UNC5D: variants seen among roughly 807,000 people sequenced by gnomAD.
UNC5D encodes the protein netrin receptor UNC5D.
A neutral mutation model predicts 105.4 loss-of-function variants in UNC5D; 39 were observed. The observed-to-expected ratio is 0.37, with a 90% CI of 0.29 to 0.48. The LOEUF (loss-of-function observed/expected upper bound fraction) is 0.48. Among genes scored for constraint, UNC5D ranks in the 20% least tolerant of loss-of-function variants. The pLI, the probability that UNC5D is intolerant of heterozygous loss-of-function variation, is 0.98. For synonymous variants in UNC5D, 452 were observed against 450.4 expected, an observed-to-expected ratio of 1.00 and a Z score of -0.04; for missense variants, 991 against 1,202.4, an observed-to-expected ratio of 0.82 and a Z score of 2.60.
intron 1 of UNC5D, among the ~76,000 whole-genome samples, chr8:35,406,345 G>T (rs1437288317): frequency 6.6e-6 from 1 of 152,132 alleles, no homozygotes; most frequent in Non-Finnish European, 1.5e-5. Context: ...ATGTTACTTT[G>T]CAAGGAGCCT....
At chr8:35,433,248 T>G (rs955677417) in intron 1 of UNC5D, among the ~76,000 whole-genome samples, 2 of 152,190 alleles carry the variant, frequency 1.3e-5, no homozygotes, top group East Asian at 3.9e-4. Context: ...AGGAGATAGA[T>G]CTACCTGGCA....
intron 1 of UNC5D, among the ~76,000 whole-genome samples, chr8:35,458,334 C>A (rs576650102): frequency 1.5e-3 from 229 of 152,180 alleles, no homozygotes; most frequent in African/African-American, 4.9e-3. Flanking sequence ...TTAGGACAGG[C>A]TCTACAGAGG....
chr8:35,684,495 A>G, intron 5 of UNC5D, 87 bp from the exon 6 acceptor site: 1 of 1,494,384 alleles, frequency 6.7e-7, no homozygotes, highest in South Asian at 1.4e-5. Context: ...CCTGACTCAC[A>G]GCACCTGGCA....
intron 11 of UNC5D, among the ~76,000 whole-genome samples, chr8:35,739,404 A>G (rs540682817): frequency 6.6e-6 from 1 of 152,268 alleles, no homozygotes; most frequent in South Asian, 2.1e-4. Flanking sequence ...GGAAAGAAGC[A>G]TTTCTCCTTG....
chr8:35,386,805 C>T (rs1327322058), intron 1 of UNC5D, among the ~76,000 whole-genome samples: 1 of 152,182 alleles, frequency 6.6e-6, no homozygotes, highest in Non-Finnish European at 1.5e-5. Context: ...ACAATTTGAG[C>T]TTACCTTTCC....
rs1803008880 is a variant in UNC5D at position 35,790,867 on chromosome 8, T to G, written c.*304T>G. ...GAAGTAGCTGTGGGAAAAGATGAGC[T>G]ATGATAATGCTGGGAAGGCAGAGAT... is the stretch of plus-strand genomic sequence containing the variant. On this transcript the variant is annotated 3_prime_UTR_variant, in exon 17 of 17. Transcript: ENST00000404895. 1 of 410,598 alleles carries G rather than the reference T, an allele frequency of 2.4e-6. No individual in the cohort carries two copies. The highest frequency in any genetic ancestry group is 2.0e-5 in the African/African-American group (1 of 50,180). 25.4% of individuals were successfully genotyped at this position (410,598 alleles called of 1,614,324 possible).
chr8:35,544,575 A>G (rs575961595), intron 1 of UNC5D: 2 of 1,450,676 alleles, frequency 1.4e-6, no homozygotes, highest in Admixed American at 4.4e-5. Flanking sequence ...AGTACCAACC[A>G]CACCTATTCT....
intron 14 of UNC5D, among the ~76,000 whole-genome samples, chr8:35,760,004 T>C (rs1801447062): frequency 1.3e-5 from 2 of 151,952 alleles, no homozygotes; most frequent in African/African-American, 2.4e-5. Flanking sequence ...AAATTACCAA[T>C]TGAAAAGCAA....
In UNC5D at chr8:35,748,623, G is replaced by A. The variant is rs142826516; in HGVS notation, c.1863G>A (p.Pro621=). ...IVTTPFALTI[P]HCADVSSEHW... is the part of the protein sequence containing the mutation. ...CCACTCCCTTTGCATTGACCATCCC[G>A]CACTGTGCAGATGTCAGTTCTGAGC... is the stretch of plus-strand genomic sequence containing the variant. The change falls in exon 12 of 17, where the codon CCG becomes CCA. Residue 621 remains proline (P), a synonymous_variant. Transcript: ENST00000404895. 4.0e-4 allele frequency: 646 copies of A among 1,613,982 alleles called. 1 individual carries two copies. In the African/African-American group the frequency reaches 7.4e-3, roughly 19 times the overall value.
At chr8:35,271,691 GTATACAT>G (rs1563268095) in intron 1 of UNC5D, among the ~76,000 whole-genome samples, 14 of 52,606 alleles carry the variant, frequency 2.7e-4, no homozygotes, top group Admixed American at 2.1e-3. Flanking sequence ...ATGTATACAT[GTATACAT>G]GTATACATAT....
chr8:35,549,862 C>T (rs1162336883), intron 2 of UNC5D, among the ~76,000 whole-genome samples: 1 of 151,922 alleles, frequency 6.6e-6, no homozygotes, highest in Non-Finnish European at 1.5e-5. Context: ...GCATCAAACC[C>T]CTTGTTAAGC....
chr8:35,285,086 A>G (rs1037121087), intron 1 of UNC5D, among the ~76,000 whole-genome samples: 10 of 152,156 alleles, frequency 6.6e-5, no homozygotes, highest in Non-Finnish European at 1.5e-5. Flanking sequence ...TGTTTTGGTG[A>G]CTTTTTGAGT....
intron 16 of UNC5D, among the ~76,000 whole-genome samples, chr8:35,776,473 G>A (rs191057309): frequency 1.4e-4 from 22 of 152,248 alleles, no homozygotes; most frequent in Admixed American, 1.4e-3. Context: ...GACCTTGCAC[G>A]GTAGGGAAAA....
intron 4 of UNC5D, among the ~76,000 whole-genome samples, chr8:35,643,525 A>G (rs1459197865): frequency 6.6e-6 from 1 of 151,890 alleles, no homozygotes; most frequent in African/African-American, 2.4e-5. Context: ...CCATATTAGT[A>G]TTTTTAGTAG....
chr8:35,451,480 C>T (rs543750419), intron 1 of UNC5D, among the ~76,000 whole-genome samples: 37 of 152,182 alleles, frequency 2.4e-4, no homozygotes, highest in African/African-American at 8.2e-4. Flanking sequence ...AAGTGGTGGG[C>T]ATTGTTATCC....
At chr8:35,520,900 C>T (rs1813418001) in intron 1 of UNC5D, among the ~76,000 whole-genome samples, 1 of 152,080 alleles carries the variant, frequency 6.6e-6, no homozygotes, top group Non-Finnish European at 1.5e-5. Flanking sequence ...TTAATAAATG[C>T]TTATTACTAA....
rs1203558637 is a variant in UNC5D at position 35,413,280 on chromosome 8, TG to T, written c.104-136011del. Among the ~76,000 whole-genome samples the T allele has an allele frequency of 5.2e-4, 11 of 21,308 alleles. No individual in the cohort carries two copies. In the East Asian group the frequency reaches 0.014, roughly 26 times the overall value. 14.0% of individuals were successfully genotyped at this position (21,308 alleles called of 152,430 possible). Reference sequence around the variant, plus strand: ...GTCTGTGTGTGTGTGTGTGTGTGTGTGTGTGTGTGTGTTGTGTGTGTGTGTG... The same window carrying T: ...GTCTGTGTGTGTGTGTGTGTGTGTGTTGTGTGTGTGTTGTGTGTGTGTGTG... On this transcript the variant is annotated intron_variant, in intron 1 of 16. Transcript: ENST00000404895.
At chr8:35,428,852 C>T (rs1325498557) in intron 1 of UNC5D, among the ~76,000 whole-genome samples, 2 of 151,942 alleles carry the variant, frequency 1.3e-5, no homozygotes, top group Non-Finnish European at 2.9e-5. Flanking sequence ...ACCTTCCTGA[C>T]CATTTTCACT....
chr8:35,259,318 G>C (rs185688495), intron 1 of UNC5D, among the ~76,000 whole-genome samples: 22 of 152,222 alleles, frequency 1.4e-4, no homozygotes, highest in African/African-American at 4.3e-4. Flanking sequence ...AGGATGGAAG[G>C]GGATTGGGGA....
Sources: allele counts gnomAD v4.1 joint callset (sites outside exome capture counted in the v4.1 genomes callset), GRCh38; gene constraint gnomAD v4.1.1; transcripts MANE v1.5; gene names NCBI Gene and HGNC (gene_info 2026-07-23, HGNC 2026-07-21).